MTOR: variants seen among roughly 807,000 people sequenced by gnomAD.
The protein encoded by MTOR is mechanistic target of rapamycin kinase.
In MTOR, 70 loss-of-function variants were observed where a neutral mutation model predicts 319.8. The ratio of observed to expected loss-of-function variants is 0.22; its 90% confidence interval spans 0.18 to 0.27. The LOEUF is 0.27. Among genes scored for constraint, MTOR ranks in the 10% least tolerant of loss-of-function variants. The pLI is 1.00. For missense variants in MTOR, 1,890 were observed against 3,274.4 expected (o/e 0.58, Z 10.32); for synonymous variants, 1,183 against 1,211.4 (o/e 0.98, Z 0.49).
At position 11,107,149 on chromosome 1, in the gene MTOR, T is replaced by G. The variant is rs1413940898; in HGVS notation, c.*336A>C. On this transcript the variant is annotated 3_prime_UTR_variant, in exon 58 of 58. Coordinates refer to ENST00000361445, the MANE Select transcript of MTOR (RefSeq NM_004958.4). ...ACTAGGTCATTCTTCCATCAGCAAG[T>G]ACTTATGATGAGTTCTCTTGTGAGT... The G allele has an allele frequency of 2.2e-6, 3 of 1,386,980 alleles. No individual in the cohort carries two copies. In the South Asian group the frequency reaches 3.7e-5, roughly 17 times the overall value. 85.9% of individuals were successfully genotyped at this position (1,386,980 alleles called of 1,614,324 possible).
intron 13 of MTOR, among the ~76,000 whole-genome samples, chr1:11,236,194 T>C (rs1246773094): frequency 6.6e-6 from 1 of 150,654 alleles, no homozygotes; most frequent in Admixed American, 6.7e-5. Flanking sequence ...TGGAGTGCAG[T>C]GGCACAATCA....
At chr1:11,176,586 C>T (rs1451140914) in intron 28 of MTOR, among the ~76,000 whole-genome samples, 2 of 152,134 alleles carry the variant, frequency 1.3e-5, no homozygotes, top group Non-Finnish European at 2.9e-5. Flanking sequence ...CTGAATTCCC[C>T]TGGCGCCAGG....
intron 18 of MTOR, among the ~76,000 whole-genome samples, chr1:11,230,256 C>G (rs978600610): frequency 5.9e-5 from 9 of 152,114 alleles, no homozygotes; most frequent in Non-Finnish European, 1.2e-4. Flanking sequence ...CCCCTCCCTA[C>G]TAAAAATGCA....
chr1:11,172,044 A>T (rs1644831579), intron 28 of MTOR, among the ~76,000 whole-genome samples: 1 of 151,774 alleles, frequency 6.6e-6, no homozygotes, highest in Admixed American at 6.6e-5. Flanking sequence ...AAAAAAAAAA[A>T]AAAGAGAGAG....
At chr1:11,252,264 TG>T (rs1649796628) in intron 6 of MTOR, among the ~76,000 whole-genome samples, 1 of 152,104 alleles carries the variant, frequency 6.6e-6, no homozygotes, top group Admixed American at 6.5e-5. Flanking sequence ...TTAAATTGTT[TG>T]TTTTTTCCTT....
chr1:11,244,296 T>TGAA (rs1553128060), intron 8 of MTOR, among the ~76,000 whole-genome samples: 2 of 88,952 alleles, frequency 2.2e-5, no homozygotes, highest in Admixed American at 3.1e-4. Context: ...ACATCTCATT[T>TGAA]AAAAAAAAAA....
Position 11,114,904 on chromosome 1 carries a change from G to A in MTOR, c.7090-17C>T, listed in dbSNP as rs200466900. The stretch of plus-strand genomic sequence containing the variant: ...CATAGCAACCTACAGAATAATAAAT[G>A]GGAAAAGCCAAATCAATGTTTATTT... On this transcript the variant is annotated splice_polypyrimidine_tract_variant and intron_variant, in intron 51 of 57. Transcript: ENST00000361445. 348 of 1,610,066 alleles carry A rather than the reference G, an allele frequency of 2.2e-4. No homozygotes were observed. Among genetic ancestry groups the A allele is most frequent in the Non-Finnish European group, 2.7e-4 (314 of 1,176,466 alleles).
Position 11,257,088 on chromosome 1 carries a change from A to C in MTOR, c.349T>G (p.Ser117Ala), listed in dbSNP as rs1650497118. ...ATTTCCATGACAACTGGGTCATTGGAGGGGAGGAGGTTCCGAAGATAGTTG... is the reference window on the plus strand; with the variant it reads ...ATTTCCATGACAACTGGGTCATTGGCGGGGAGGAGGTTCCGAAGATAGTTG... ...FANYLRNLLP[S>A]NDPVVMEMAS... is the part of the protein sequence containing the mutation. Residue 117 changes from serine to alanine, a missense_variant, in exon 4 of 58, where the codon TCC (serine) becomes GCC (alanine). Transcript: ENST00000361445. 2 of 1,614,148 alleles carry C rather than the reference A, an allele frequency of 1.2e-6. No individual in the cohort carries two copies. Among genetic ancestry groups the C allele is most frequent in the African/African-American group, 1.3e-5 (1 of 75,044 alleles).
intron 19 of MTOR, among the ~76,000 whole-genome samples, chr1:11,222,291 G>C (rs1291202567): frequency 6.6e-6 from 1 of 151,908 alleles, no homozygotes; most frequent in East Asian, 1.9e-4. Context: ...CTACCTCCCG[G>C]GTTCATGCCA....
rs1644347555 is a variant in MTOR, at chr1:11,157,241, A to G, written c.4380T>C (p.Leu1460=). The G allele has an allele frequency of 6.2e-7, 1 of 1,614,110 alleles. No homozygotes were observed. Among genetic ancestry groups the G allele is most frequent in the Non-Finnish European group, 8.5e-7 (1 of 1,180,008 alleles). The change falls in exon 30 of 58, where the codon CTT becomes CTC. Residue 1460 remains leucine (L), a synonymous_variant. Coordinates refer to ENST00000361445, the MANE Select transcript of MTOR (RefSeq NM_004958.4). ...TGTCCATTTTCTTGTCATAGGCCAC[A>G]AGGGCATCCTCCCACTCGTGCAGTT... ...YEKLHEWEDA[L]VAYDKKMDTN...
At chr1:11,138,361 A>G (rs1034151163) in intron 36 of MTOR, among the ~76,000 whole-genome samples, 2 of 152,216 alleles carry the variant, frequency 1.3e-5, no homozygotes, top group African/African-American at 4.8e-5. Context: ...GAAGAAGGAA[A>G]CTTAGGTCAT....
At position 11,129,347 on chromosome 1, in the gene MTOR, C is replaced by T. The variant is rs1643003120; in HGVS notation, c.5714+391G>A. 6.6e-6 allele frequency among the ~76,000 whole-genome samples: 1 copy of T among 152,244 alleles called. No homozygotes were observed. The highest frequency in any genetic ancestry group is 2.4e-5 in the African/African-American group (1 of 41,464). On this transcript the variant is annotated intron_variant, in intron 40 of 57. Coordinates refer to ENST00000361445, the MANE Select transcript of MTOR (RefSeq NM_004958.4). This position sits in a 1 kb window ranked among gnomAD's most constrained non-coding sequence, Gnocchi z 4.7. ...TGAAGGAGGATGTGGACCTTGTCAC[C>T]TTTACCCTCTGGGTTAACTGATTTG...
intron 26 of MTOR, among the ~76,000 whole-genome samples, chr1:11,200,858 A>G (rs935604923): frequency 6.6e-6 from 1 of 151,982 alleles, no homozygotes; most frequent in African/African-American, 2.4e-5. Context: ...TACTAAAAAT[A>G]CAAAAAATTA....
chr1:11,142,022 T>C (rs554632340), intron 34 of MTOR, among the ~76,000 whole-genome samples: 88 of 151,166 alleles, frequency 5.8e-4, no homozygotes, highest in African/African-American at 2.0e-3. Flanking sequence ...AATAAATAAA[T>C]AAATAAAATA....
chr1:11,182,076 G>GCAT (rs1234606802), intron 28 of MTOR, among the ~76,000 whole-genome samples: 1 of 152,114 alleles, frequency 6.6e-6, no homozygotes, highest in Non-Finnish European at 1.5e-5. Context: ...AATTAGCAAG[G>GCAT]CATGGCAGTG....
rs1557732453 is a variant in MTOR, at chr1:11,107,029, CTG to C, written c.*454_*455del. 1.5e-6 allele frequency: 2 copies of C among 1,371,206 alleles called. No individual in the cohort carries two copies. Among genetic ancestry groups the C allele is most frequent in the Middle Eastern group, 1.9e-4 (1 of 5,186 alleles). 84.9% of individuals were successfully genotyped at this position (1,371,206 alleles called of 1,614,324 possible). The stretch of plus-strand genomic sequence containing the variant: ...GTGGCAGGGGTGAGGTCAGCATCTT[CTG>C]TGTCTTTACAGTCTAGGATCCTAAT... On this transcript the variant is annotated 3_prime_UTR_variant, in exon 58 of 58. Transcript: ENST00000361445.
At chr1:11,194,388 G>A in intron 28 of MTOR, 1 of 1,419,710 alleles carries the variant, frequency 7.0e-7, no homozygotes, top group Non-Finnish European at 9.9e-7. Flanking sequence ...GGACTGTCAG[G>A]AGAGAAGGGG....
chr1:11,202,357 G>T (rs1220456627), intron 26 of MTOR, among the ~76,000 whole-genome samples: 2 of 140,052 alleles, frequency 1.4e-5, no homozygotes, highest in African/African-American at 2.6e-5. Flanking sequence ...GGAAGTAGAG[G>T]TTGCGGTGAG....
At chr1:11,145,437 TG>T (rs549572505) in intron 32 of MTOR, among the ~76,000 whole-genome samples, 88 of 152,108 alleles carry the variant, frequency 5.8e-4, no homozygotes, top group African/African-American at 2.0e-3. Context: ...AGTGCAGTGG[TG>T]TGATCTTGGC....
Sources: allele counts gnomAD v4.1 joint callset (sites outside exome capture counted in the v4.1 genomes callset), GRCh38; gene constraint gnomAD v4.1.1; non-coding constraint Gnocchi (gnomAD v3.1); transcripts MANE v1.5; gene names NCBI Gene and HGNC (gene_info 2026-07-23, HGNC 2026-07-21).